Variants in SLC12A1 observed in about 807,000 individuals in gnomAD.
SLC12A1 encodes solute carrier family 12 member 1, also known as Na-K-2Cl cotransporter.
A neutral mutation model predicts 130.4 loss-of-function variants in SLC12A1; 89 were observed. The ratio of observed to expected loss-of-function variants is 0.68; its 90% confidence interval spans 0.58 to 0.81. The LOEUF is 0.81. SLC12A1 is among the 40% of genes least tolerant of loss of function. The probability of loss-of-function intolerance (pLI) is 0.00; values close to 1 mark genes in which losing one functional copy is unlikely to be tolerated. For missense variants in SLC12A1, 1,310 were observed against 1,336.4 expected (o/e 0.98, Z 0.31); for synonymous variants, 499 against 460.0 (o/e 1.08, Z -1.09).
intron 9 of SLC12A1, among the ~76,000 whole-genome samples, chr15:48,240,972 A>G (rs1397385071): frequency 6.6e-6 from 1 of 152,150 alleles, no homozygotes; most frequent in African/African-American, 2.4e-5. Context: ...ATGGAAATTA[A>G]ATATCTCCCA....
chr15:48,266,458 T>TTTC (rs1264040745), intron 17 of SLC12A1, among the ~76,000 whole-genome samples: 2 of 151,846 alleles, frequency 1.3e-5, no homozygotes, highest in Non-Finnish European at 2.9e-5. Flanking sequence ...TTTTTTTTTT[T>TTTC]TCATGCATCC....
intron 20 of SLC12A1, among the ~76,000 whole-genome samples, chr15:48,275,894 G>T (rs1026038483): frequency 6.6e-6 from 1 of 152,132 alleles, no homozygotes; most frequent in African/African-American, 2.4e-5. Flanking sequence ...GGTCAAACTT[G>T]GGTTTTAGAT....
chr15:48,271,335 G>A (rs943363270), intron 19 of SLC12A1, among the ~76,000 whole-genome samples: 1 of 152,126 alleles, frequency 6.6e-6, no homozygotes, highest in African/African-American at 2.4e-5. Flanking sequence ...TCTGGAAATG[G>A]AAGGTTTCCT....
At chr15:48,245,563 C>T (rs2041568705) in intron 11 of SLC12A1, among the ~76,000 whole-genome samples, 1 of 152,188 alleles carries the variant, frequency 6.6e-6, no homozygotes, top group Non-Finnish European at 1.5e-5. Context: ...GGATAATGGC[C>T]TCTAGCTGCA....
At chr15:48,261,610 C>G (rs772080294) in intron 17 of SLC12A1, among the ~76,000 whole-genome samples, 1 of 152,074 alleles carries the variant, frequency 6.6e-6, no homozygotes, top group Non-Finnish European at 1.5e-5. Flanking sequence ...TAGGCTCAGT[C>G]GTCAATCATC....
chr15:48,263,034 AC>A (rs2041793091), intron 17 of SLC12A1, among the ~76,000 whole-genome samples: 1 of 152,194 alleles, frequency 6.6e-6, no homozygotes, highest in African/African-American at 2.4e-5. Context: ...GAATTTATGT[AC>A]CTGTAATTCT....
Position 48,292,986 on chromosome 15 carries a change from G to C in SLC12A1, c.2960+1122G>C, listed in dbSNP as rs147666004. Among the ~76,000 whole-genome samples the C allele has an allele frequency of 4.9e-3, 743 of 152,262 alleles. 8 individuals are homozygous for C. The highest frequency in any genetic ancestry group is 0.044 in the Middle Eastern group (13 of 294). ...GCTGGAGTGTAGCAGTGCAATCTCA[G>C]CTCACAACAACCTCTGCCTCCTGGG... On this transcript the variant is annotated intron_variant, in intron 24 of 26. Transcript: ENST00000380993.
chr15:48,240,212 C>A (rs986954942), intron 9 of SLC12A1, among the ~76,000 whole-genome samples: 4 of 150,714 alleles, frequency 2.7e-5, no homozygotes, highest in African/African-American at 9.8e-5. Flanking sequence ...TCAAGAAATT[C>A]TTCATCAATC....
At chr15:48,213,501 A>ATTT (rs1242909450) in intron 2 of SLC12A1, among the ~76,000 whole-genome samples, 19 of 131,272 alleles carry the variant, frequency 1.4e-4, no homozygotes, top group African/African-American at 4.5e-4. Context: ...TTCCTCTAGA[A>ATTT]TTTTTTTTTT....
chr15:48,266,155 A>G (rs1476394108), intron 17 of SLC12A1, among the ~76,000 whole-genome samples: 1 of 152,184 alleles, frequency 6.6e-6, no homozygotes, highest in Non-Finnish European at 1.5e-5. Flanking sequence ...TCAATGTAGA[A>G]CATACCTCAA....
At chr15:48,210,930 T>C (rs1442609182) in intron 2 of SLC12A1, among the ~76,000 whole-genome samples, 1 of 151,954 alleles carries the variant, frequency 6.6e-6, no homozygotes, top group Non-Finnish European at 1.5e-5. Context: ...CTGCATTAGA[T>C]AAATGTAATA....
At chr15:48,255,675 A>G in intron 15 of SLC12A1, 136 bp from the exon 16 acceptor site, 1 of 619,656 alleles carries the variant, frequency 1.6e-6, no homozygotes, top group South Asian at 2.1e-5. Context: ...CCCACACTAT[A>G]TTTTCTCTAA....
chr15:48,231,247 T>C (rs1197182731), intron 7 of SLC12A1, among the ~76,000 whole-genome samples: 1 of 152,244 alleles, frequency 6.6e-6, no homozygotes, highest in Admixed American at 6.5e-5. Flanking sequence ...GCCTACCACA[T>C]GTTGAGCATT....
intron 2 of SLC12A1, among the ~76,000 whole-genome samples, chr15:48,216,793 GAA>G (rs1249284886): frequency 6.6e-6 from 1 of 152,042 alleles, no homozygotes; most frequent in Non-Finnish European, 1.5e-5. Flanking sequence ...TTTCAGTTAT[GAA>G]AAAAATGAAA....
At chr15:48,229,124 C>T in intron 5 of SLC12A1, 65 bp from the exon 6 acceptor site, 1 of 1,481,674 alleles carries the variant, frequency 6.7e-7, no homozygotes, top group Non-Finnish European at 9.1e-7. Context: ...CTCAGATAGT[C>T]ACAATCGTTT....
chr15:48,292,398 G>T (rs941256283), intron 24 of SLC12A1, among the ~76,000 whole-genome samples: 2 of 151,516 alleles, frequency 1.3e-5, no homozygotes, highest in Non-Finnish European at 2.9e-5. Context: ...GCCTGGAAAA[G>T]AAATGTATTG....
chr15:48,302,605 C>T lies in SLC12A1; in HGVS notation c.3165-145C>T, dbSNP rs559376215. 1.8e-4 allele frequency: 70 copies of T among 393,198 alleles called. 1 individual carries two copies. In the East Asian group the frequency reaches 2.0e-3, roughly 11 times the overall value. The allele number at this position is 393,198 out of a possible 1,614,324, so 24.4% of individuals were successfully genotyped here. A position where few individuals can be genotyped will look rare whatever the true frequency, so the allele number is the denominator to read the frequency against. ...ACTGCAGTCCGCAGTCCGGCCTGGGCGACAGAGCGAGACTCCGTCTCAAAA... is the reference window on the plus strand; with the variant it reads ...ACTGCAGTCCGCAGTCCGGCCTGGGTGACAGAGCGAGACTCCGTCTCAAAA... On this transcript the variant is annotated intron_variant, in intron 26 of 26. Coordinates refer to ENST00000380993, the MANE Select transcript of SLC12A1 (RefSeq NM_000338.3).
intron 17 of SLC12A1, among the ~76,000 whole-genome samples, chr15:48,265,142 T>C (rs1371981470): frequency 6.6e-6 from 1 of 152,222 alleles, no homozygotes; most frequent in African/African-American, 2.4e-5. Flanking sequence ...ATTGCAGCCT[T>C]CCTTGCTTCA....
At chr15:48,236,865 A>C in intron 9 of SLC12A1, 1 of 488,400 alleles carries the variant, frequency 2.0e-6, no homozygotes, top group East Asian at 3.1e-5. Flanking sequence ...TGCAAATTAT[A>C]AGCACACCTT....
Sources: allele counts gnomAD v4.1 joint callset (sites outside exome capture counted in the v4.1 genomes callset), GRCh38; gene constraint gnomAD v4.1.1; transcripts MANE v1.5; gene names NCBI Gene and HGNC (gene_info 2026-07-23, HGNC 2026-07-21).